IFT172: variants seen among roughly 807,000 people sequenced by gnomAD.
The protein encoded by IFT172 is intraflagellar transport protein 172 homolog.
A neutral mutation model predicts 248.9 loss-of-function variants in IFT172; 164 were observed. That is an observed-to-expected ratio of 0.66 (90% CI 0.58 to 0.75). The LOEUF (loss-of-function observed/expected upper bound fraction) is 0.75, where lower values mean the gene tolerates loss of function less well. Ranked by LOEUF, IFT172 falls within the 30% of genes least tolerant of loss-of-function variation. IFT172 has a pLI of 0.00. For synonymous variants in IFT172, 729 were observed against 791.6 expected (o/e 0.92, Z 1.33); for missense variants, 1,950 against 2,192.4 (o/e 0.89, Z 2.21).
chr2:27,464,334 T>A (rs1419158012), intron 18 of IFT172, among the ~76,000 whole-genome samples: 4 of 152,208 alleles, frequency 2.6e-5, no homozygotes, highest in African/African-American at 9.7e-5. Context: ...TATCATCATA[T>A]GAGGCAAATA....
intron 1 of IFT172, among the ~76,000 whole-genome samples, chr2:27,485,764 G>T (rs1668726498): frequency 6.6e-6 from 1 of 152,182 alleles, no homozygotes; most frequent in African/African-American, 2.4e-5. Flanking sequence ...ATGAATCCCT[G>T]CAACGGCCTC....
Position 27,461,389 on chromosome 2 carries a change from G to C in IFT172, c.2322C>G (p.Leu774=). The change falls in exon 22 of 48, where the codon CTC becomes CTG. Residue 774 remains leucine, a synonymous_variant. Transcript: ENST00000260570. ...CAGCTTTGGCAGGGAGCCCAGCTTT[G>C]AGGTAGAGGCTGATGGCTGCTAGCC... ...GDGLAAISLY[L]KAGLPAKAAR... is the part of the protein sequence containing the mutation. The C allele has an allele frequency of 6.2e-7, 1 of 1,614,200 alleles. No individual in the cohort carries two copies. Among genetic ancestry groups the C allele is most frequent in the Non-Finnish European group, 8.5e-7 (1 of 1,180,032 alleles).
rs191113326 is a variant in IFT172 at position 27,462,796 on chromosome 2, G to C, written c.2023-3C>G. ...TAAAAGTCTGTTCCTTCTCCGCCCTGTGGGGGAAAAAGGAGGTTCTGATTT... is the reference window on the plus strand; with the variant it reads ...TAAAAGTCTGTTCCTTCTCCGCCCTCTGGGGGAAAAAGGAGGTTCTGATTT... On this transcript the variant is annotated splice_polypyrimidine_tract_variant and splice_region_variant and intron_variant, in intron 19 of 47. Coordinates refer to ENST00000260570, the MANE Select transcript of IFT172 (RefSeq NM_015662.3). The C allele has an allele frequency of 6.2e-7, 1 of 1,613,860 alleles. No homozygotes were observed. Among genetic ancestry groups the C allele is most frequent in the African/African-American group, 1.3e-5 (1 of 75,012 alleles).
chr2:27,489,727 C>G lies in IFT172; in HGVS notation c.-74G>C, dbSNP rs1381096268. The G allele has an allele frequency of 5.8e-6, 7 of 1,214,958 alleles. No individual in the cohort carries two copies. Among genetic ancestry groups the G allele is most frequent in the Non-Finnish European group, 7.2e-6 (6 of 832,208 alleles). The allele number at this position is 1,214,958 out of a possible 1,614,324, so 75.3% of individuals were successfully genotyped here. On this transcript the variant is annotated 5_prime_UTR_variant, in exon 1 of 48. Transcript: ENST00000260570. ...GTTACCTGGACAACCCGCCACGCAG[C>G]CGCAGCGACAGGCACTGACGCTTAT...
chr2:27,476,701 G>A lies in IFT172; in HGVS notation c.1351C>T (p.Arg451Ter), dbSNP rs1213400658. The change falls in exon 14 of 48, where the codon CGA becomes TGA. Residue 451 changes from arginine (R) to a stop codon, truncating the protein, a stop_gained. Transcript: ENST00000260570. LOFTEE classifies it high-confidence loss of function. ...AATTTCTTATTATCTTCTGTTCCTC[G>A]CTGACACCTCTCATTAATACGAACA... ...ISVRINERCQ[R>*]GTEDNKKLAY... The A allele has an allele frequency of 3.1e-6, 5 of 1,612,088 alleles. No homozygotes were observed. Among genetic ancestry groups the A allele is most frequent in the Admixed American group, 3.3e-5 (2 of 59,972 alleles).
At chr2:27,465,630 C>T in intron 17 of IFT172, 112 bp from the exon 18 acceptor site, 1 of 1,540,346 alleles carries the variant, frequency 6.5e-7, no homozygotes, top group African/African-American at 1.4e-5. Flanking sequence ...GTCTCATCTC[C>T]TCCCAGGATC....
Position 27,489,737 on chromosome 2 carries a change from A to G in IFT172, c.-84T>C, listed in dbSNP as rs1669042829. ...CAACCCGCCACGCAGCCGCAGCGAC[A>G]GGCACTGACGCTTATGCGACCGGAG... On this transcript the variant is annotated 5_prime_UTR_variant, in exon 1 of 48. Coordinates refer to ENST00000260570, the MANE Select transcript of IFT172 (RefSeq NM_015662.3). The G allele has an allele frequency of 5.6e-6, 6 of 1,074,100 alleles. No individual in the cohort carries two copies. Among genetic ancestry groups the G allele is most frequent in the Middle Eastern group, 2.8e-4 (1 of 3,602 alleles). 66.5% of individuals were successfully genotyped at this position (1,074,100 alleles called of 1,614,324 possible).
chr2:27,451,967 T>TTATA (rs1375247417), intron 35 of IFT172, among the ~76,000 whole-genome samples: 1 of 132,608 alleles, frequency 7.5e-6, no homozygotes, highest in Admixed American at 7.7e-5. Context: ...TAAAATATAA[T>TTATA]TATATATATG....
intron 35 of IFT172, 138 bp downstream of exon 35, chr2:27,453,240 ATCCAGC>A: frequency 2.7e-6 from 3 of 1,104,828 alleles, no homozygotes; most frequent in Non-Finnish European, 4.2e-6. Flanking sequence ...TGGCTCTATC[ATCCAGC>A]AGGCACTCCA....
At chr2:27,449,594 T>C (rs772023560) in intron 37 of IFT172, 32 bp from the exon 38 acceptor site, 10 of 1,613,890 alleles carry the variant, frequency 6.2e-6, no homozygotes, top group Non-Finnish European at 8.5e-6. Context: ...TCCATCTTCA[T>C]GTTCCAGAAT....
At chr2:27,468,324 C>T (rs1340688809) in intron 16 of IFT172, among the ~76,000 whole-genome samples, 1 of 151,482 alleles carries the variant, frequency 6.6e-6, no homozygotes, top group Non-Finnish European at 1.5e-5. Context: ...CCTTTGCCTC[C>T]CAGGTTCAAG....
intron 47 of IFT172, among the ~76,000 whole-genome samples, 183 bp downstream of exon 47, chr2:27,444,831 A>G (rs1572705761): frequency 6.6e-6 from 1 of 152,294 alleles, no homozygotes; most frequent in East Asian, 1.9e-4. Context: ...TATTTTTAGT[A>G]GAGACGAGGT....
intron 18 of IFT172, among the ~76,000 whole-genome samples, chr2:27,464,057 T>TA (rs1287849280): frequency 6.6e-6 from 1 of 152,092 alleles, no homozygotes; most frequent in African/African-American, 2.4e-5. Context: ...ATGGTAGGGG[T>TA]ACAAGAAACA....
intron 16 of IFT172, among the ~76,000 whole-genome samples, chr2:27,470,212 C>G (rs1667447671): frequency 6.6e-6 from 1 of 150,830 alleles, no homozygotes; most frequent in African/African-American, 2.4e-5. Context: ...TCACTGCACT[C>G]CAGCCTGGGA....
chr2:27,454,068 C>G lies in IFT172; in HGVS notation c.3625G>C (p.Gly1209Arg). ...TGAAAGTCCTTCTCCTCCAAGGCCC[C>G]CCGGGCCTGTCCCACAAGCACCTCG... is the stretch of plus-strand genomic sequence containing the variant. ...VAEVLVGQAR[G>R]ALEEKDFQKA... The change falls in exon 33 of 48, where the codon GGG (glycine) becomes CGG (arginine). Residue 1209 changes from glycine (G) to arginine (R), a missense_variant. Physicochemically the swap from Gly to Arg is moderately radical, Grantham distance 125. This residue lies in a region of IFT172 where 620 missense variants were observed against 699.0 expected (regional missense o/e 0.89). Transcript: ENST00000260570. The surrounding 1 kb of genome is among the most constrained non-coding windows in gnomAD (Gnocchi z 4.2). 6.2e-7 allele frequency: 1 copy of G among 1,614,152 alleles called. No homozygotes were observed. Among genetic ancestry groups the G allele is most frequent in the Non-Finnish European group, 8.5e-7 (1 of 1,180,032 alleles).
In IFT172 at chr2:27,449,014, G is replaced by C. The variant is rs1665419411; in HGVS notation, c.4329C>G (p.His1443Gln). The C allele has an allele frequency of 6.2e-7, 1 of 1,604,058 alleles. No homozygotes were observed. The highest frequency in any genetic ancestry group is 8.5e-7 in the Non-Finnish European group (1 of 1,170,898). ...GAGTTGCATACAAAGCCACATACTT[G>C]TGCAGAATCTTGTAGTTCTGTACAG... ...TATKQNYKIL[H>Q]KYVALYATHL... Residue 1443 changes from histidine to glutamine, a missense_variant, in exon 40 of 48, where the codon CAC (histidine) becomes CAG (glutamine). Physicochemically the swap from His to Gln is conservative, Grantham distance 24. Coordinates refer to ENST00000260570, the MANE Select transcript of IFT172 (RefSeq NM_015662.3).
intron 15 of IFT172, chr2:27,471,370 C>A: frequency 3.2e-6 from 1 of 316,022 alleles, no homozygotes; most frequent in Non-Finnish European, 5.7e-6. Context: ...GCCAGAGTTA[C>A]CAGCTTGGAT....
chr2:27,451,153 G>T (rs150148935), intron 35 of IFT172, among the ~76,000 whole-genome samples: 1,595 of 152,132 alleles, frequency 0.01, 8 homozygotes, highest in Middle Eastern at 0.061. Flanking sequence ...TTATGATGCT[G>T]ACATCCTTAC....
chr2:27,475,643 A>G (rs1667903107), intron 14 of IFT172: 1 of 152,218 alleles, frequency 6.6e-6, no homozygotes. Context: ...TGTACCAGGG[A>G]TAAGTGTATT....
Sources: gnomAD v4.1 joint callset for allele counts (sites outside exome capture counted in the v4.1 genomes callset) on GRCh38, gnomAD v4.1.1 for gene constraint, gnomAD v4.1.1 regional missense constraint, Gnocchi (gnomAD v3.1) non-coding constraint, MANE v1.5 for transcripts, NCBI Gene and HGNC (gene_info 2026-07-23, HGNC 2026-07-21) for gene names.